The following DPP4 variants were observed in gnomAD, a reference collection of about 807,000 sequenced individuals.
DPP4 encodes the protein dipeptidyl peptidase 4.
DPP4 carries 93 observed loss-of-function variants against 122.4 expected under a neutral mutation model. That is an observed-to-expected ratio of 0.76 (90% confidence interval 0.64 to 0.90). The LOEUF (loss-of-function observed/expected upper bound fraction) is 0.90, where lower values mean the gene tolerates loss of function less well. Among genes scored for constraint, DPP4 ranks in the 40% least tolerant of loss-of-function variants. The pLI is 0.00. For synonymous variants in DPP4, 321 were observed against 302.9 expected, an observed-to-expected ratio of 1.06 and a Z score of -0.62; for missense variants, 914 against 907.3, an observed-to-expected ratio of 1.01 and a Z score of -0.09.
chr2:162,009,513 TTGTGTGTGTG>T (rs57878632), intron 20 of DPP4, among the ~76,000 whole-genome samples: 162 of 144,382 alleles, frequency 1.1e-3, no homozygotes, highest in Middle Eastern at 3.4e-3. Context: ...TTCATAAAAA[TTGTGTGTGTG>T]TGTGTGTGTG....
At chr2:162,071,524 C>A (rs759709686) in intron 2 of DPP4, among the ~76,000 whole-genome samples, 1 of 152,116 alleles carries the variant, frequency 6.6e-6, no homozygotes, top group Non-Finnish European at 1.5e-5. Flanking sequence ...TGCCTGTAGT[C>A]CCAGCTACTC....
intron 2 of DPP4, among the ~76,000 whole-genome samples, chr2:162,068,175 C>T (rs1685010171): frequency 6.6e-6 from 1 of 152,128 alleles, no homozygotes; most frequent in South Asian, 2.1e-4. Flanking sequence ...TGCCTATATA[C>T]AGCTTTATAT....
Position 161,993,218 on chromosome 2 carries a change from G to T in DPP4, c.*65C>A. 1 of 1,254,884 alleles carries T rather than the reference G, an allele frequency of 8.0e-7. No individual in the cohort carries two copies. The highest frequency in any genetic ancestry group is 1.2e-6 in the Non-Finnish European group (1 of 856,138). 77.7% of individuals were successfully genotyped at this position (1,254,884 alleles called of 1,614,324 possible). ...AGATCATCATCATCTTGACAGTGCAGTTTTGAGATAATGAAAACAAAAATG... is the reference window on the plus strand; with the variant it reads ...AGATCATCATCATCTTGACAGTGCATTTTTGAGATAATGAAAACAAAAATG... On this transcript the variant is annotated 3_prime_UTR_variant, in exon 26 of 26. Transcript: ENST00000360534.
chr2:162,054,830 T>C (rs144486454), intron 2 of DPP4, among the ~76,000 whole-genome samples: 28 of 152,338 alleles, frequency 1.8e-4, no homozygotes, highest in African/African-American at 6.3e-4. Flanking sequence ...CTTTTAAAGT[T>C]TCATTTTAAA....
chr2:162,044,967 T>TC, intron 5 of DPP4, among the ~76,000 whole-genome samples: 1 of 150,226 alleles, frequency 6.7e-6, no homozygotes, highest in African/African-American at 2.4e-5. Flanking sequence ...TTTCTTTCTT[T>TC]TTTTTTTTTT....
intron 5 of DPP4, among the ~76,000 whole-genome samples, chr2:162,041,382 A>C (rs1246996746): frequency 6.6e-6 from 1 of 152,124 alleles, no homozygotes; most frequent in African/African-American, 2.4e-5. Context: ...GAAATACAAC[A>C]AATTACAATA....
chr2:162,016,955 T>G (rs1188851556), intron 17 of DPP4, 89 bp from the exon 18 acceptor site: 1 of 1,429,464 alleles, frequency 7.0e-7, no homozygotes, highest in Non-Finnish European at 9.7e-7. Flanking sequence ...TGAAATTCAC[T>G]GATCGGACTA....
At chr2:162,036,030 C>G (rs182676278) in intron 8 of DPP4, among the ~76,000 whole-genome samples, 2 of 152,268 alleles carry the variant, frequency 1.3e-5, no homozygotes, top group Admixed American at 6.5e-5. Flanking sequence ...TCTTCTCAAT[C>G]TCTGGCAAAG....
At chr2:162,071,013 A>G (rs1171645636) in intron 2 of DPP4, among the ~76,000 whole-genome samples, 3 of 152,036 alleles carry the variant, frequency 2.0e-5, no homozygotes, top group Admixed American at 2.0e-4. Flanking sequence ...GTAGCTCTGG[A>G]GCCTCCAAAT....
chr2:162,033,710 G>T, intron 9 of DPP4, 57 bp from the exon 10 acceptor site: 1 of 1,179,004 alleles, frequency 8.5e-7, no homozygotes, highest in Non-Finnish European at 1.2e-6. Flanking sequence ...TAACATCGTT[G>T]CACACATTTT....
At chr2:161,998,020 A>G (rs531126957) in intron 23 of DPP4, among the ~76,000 whole-genome samples, 161 of 152,352 alleles carry the variant, frequency 1.1e-3, no homozygotes, top group African/African-American at 3.6e-3. Flanking sequence ...GTGCATAATA[A>G]TAATGGGTAT....
In DPP4 at chr2:161,993,374, T is replaced by A. The variant is rs1277223417; in HGVS notation, c.2210A>T (p.Asp737Val). 1 of 1,610,720 alleles carries A rather than the reference T, an allele frequency of 6.2e-7. No individual in the cohort carries two copies. The highest frequency in any genetic ancestry group is 8.5e-7 in the Non-Finnish European group (1 of 1,177,190). ...GVDFQAMWYTDEDHGIASSTA... is the reference protein window; with the variant it reads ...GVDFQAMWYTVEDHGIASSTA... ...GCTGCTAGCTATTCCATGGTCTTCA[T>A]CAGTATACCACTAGAGAGAGAAAGA... Residue 737 changes from aspartate to valine, a missense_variant, in exon 26 of 26, where the codon GAT becomes GTT. Transcript: ENST00000360534.
chr2:162,012,974 A>G (rs1449237959), intron 19 of DPP4, among the ~76,000 whole-genome samples: 2 of 152,132 alleles, frequency 1.3e-5, no homozygotes, highest in Non-Finnish European at 2.9e-5. Flanking sequence ...AACTTTAAAC[A>G]GGAAAATGCA....
chr2:162,007,360 C>T (rs942162317), intron 22 of DPP4, among the ~76,000 whole-genome samples: 17 of 151,896 alleles, frequency 1.1e-4, no homozygotes, highest in Non-Finnish European at 2.1e-4. Flanking sequence ...TTATGCTAAC[C>T]AGATTTACAT....
At chr2:162,001,752 A>G (rs1701154871) in intron 23 of DPP4, among the ~76,000 whole-genome samples, 1 of 152,038 alleles carries the variant, frequency 6.6e-6, no homozygotes, top group Non-Finnish European at 1.5e-5. Context: ...GCCTCTTTGG[A>G]TCTGATTCCT....
chr2:162,046,849 A>G (rs1233818065), intron 4 of DPP4, 66 bp downstream of exon 4: 6 of 1,034,858 alleles, frequency 5.8e-6, no homozygotes, highest in South Asian at 5.1e-5. Flanking sequence ...AGTACTCGTG[A>G]TTCCAAAGGT....
chr2:162,046,857 G>A (rs1684194347), intron 4 of DPP4, 58 bp downstream of exon 4: 4 of 1,114,216 alleles, frequency 3.6e-6, no homozygotes, highest in Non-Finnish European at 5.5e-6. Flanking sequence ...TGATTCCAAA[G>A]GTAATGAAAA....
intron 2 of DPP4, among the ~76,000 whole-genome samples, chr2:162,061,115 A>C (rs1277643939): frequency 6.6e-6 from 1 of 151,310 alleles, no homozygotes; most frequent in Non-Finnish European, 1.5e-5. Context: ...ATGGCTCACT[A>C]AAGCCTTGAA....
At chr2:162,048,266 TTCTG>T (rs1254724203) in intron 2 of DPP4, among the ~76,000 whole-genome samples, 1 of 152,162 alleles carries the variant, frequency 6.6e-6, no homozygotes, top group Non-Finnish European at 1.5e-5. Context: ...TTTTTGATAC[TTCTG>T]TCTGTTTTTC....
Sources: allele counts gnomAD v4.1 joint callset (sites outside exome capture counted in the v4.1 genomes callset), GRCh38; gene constraint gnomAD v4.1.1; transcripts MANE v1.5; gene names NCBI Gene and HGNC (gene_info 2026-07-23, HGNC 2026-07-21).